SNX8: variants seen among roughly 807,000 people sequenced by gnomAD.
SNX8 encodes sorting nexin 8, also known as sorting nexin-8.
Under a neutral mutation model 51.6 loss-of-function variants are expected in SNX8, and 25 were observed. The observed-to-expected ratio is 0.48, with a 90% CI of 0.35 to 0.68. SNX8 has a LOEUF of 0.68. Ranked by LOEUF, SNX8 falls within the 30% of genes least tolerant of loss-of-function variation. The pLI is 0.00. For missense variants in SNX8, 695 were observed against 624.0 expected (o/e 1.11, Z -1.21); for synonymous variants, 324 against 277.0 (o/e 1.17, Z -1.68).
intron 1 of SNX8, 103 bp downstream of exon 1, chr7:2,314,225 G>A: frequency 8.6e-7 from 1 of 1,168,262 alleles, no homozygotes. Flanking sequence ...GCGGGGGCAG[G>A]AAACGAGTCG....
chr7:2,314,406 T>A lies in SNX8; in HGVS notation c.16A>T (p.Met6Leu). 8.2e-7 allele frequency: 1 copy of A among 1,218,312 alleles called. No individual in the cohort carries two copies. The highest frequency in any genetic ancestry group is 1.0e-6 in the Non-Finnish European group (1 of 979,026). The allele number at this position is 1,218,312 out of a possible 1,614,324, so 75.5% of individuals were successfully genotyped here. MTGRAMDPLPAAAVGA... is the reference protein window; with the variant it reads MTGRALDPLPAAAVGA... ...ACTGCAGCCGCGGGCAGCGGGTCCA[T>A]CGCGCGGCCAGTCATGTGAGCCCGC... Residue 6 changes from methionine to leucine, a missense_variant, in exon 1 of 11, where the codon ATG (methionine) becomes TTG (leucine). Coordinates refer to ENST00000222990, the MANE Select transcript of SNX8 (RefSeq NM_013321.4).
At chr7:2,258,699 C>T (rs1263022943) in intron 7 of SNX8, among the ~76,000 whole-genome samples, 1 of 152,042 alleles carries the variant, frequency 6.6e-6, no homozygotes, top group African/African-American at 2.4e-5. Flanking sequence ...TGCTGCTGAT[C>T]CAGGAAGAGA....
chr7:2,302,180 C>T (rs1001058547), intron 1 of SNX8, among the ~76,000 whole-genome samples: 1 of 152,260 alleles, frequency 6.6e-6, no homozygotes, highest in Admixed American at 6.5e-5. Context: ...CTGCTGCCAT[C>T]TCGGCTCACT....
chr7:2,308,387 G>A (rs1269433468), intron 1 of SNX8, among the ~76,000 whole-genome samples: 1 of 151,994 alleles, frequency 6.6e-6, no homozygotes, highest in Non-Finnish European at 1.5e-5. Context: ...ATGTGTCATG[G>A]CCAGTCACGG....
chr7:2,305,048 G>A (rs57019360), intron 1 of SNX8, among the ~76,000 whole-genome samples: 5,847 of 152,258 alleles, frequency 0.038, 268 homozygotes, highest in African/African-American at 0.11. Context: ...TGCAGACGCC[G>A]GAGGGTCTGG....
chr7:2,310,820 A>G (rs917539331), intron 1 of SNX8, among the ~76,000 whole-genome samples: 8 of 152,176 alleles, frequency 5.3e-5, no homozygotes, highest in Non-Finnish European at 1.0e-4. Flanking sequence ...GCTAGAGAAT[A>G]TACTACGCTA....
chr7:2,336,420 T>A (rs1778830867), intron 1 of SNX8, among the ~76,000 whole-genome samples: 1 of 143,550 alleles, frequency 7.0e-6, no homozygotes, highest in African/African-American at 2.6e-5. Context: ...AACAAATTTT[T>A]AAAAAATGCT....
intron 7 of SNX8, among the ~76,000 whole-genome samples, chr7:2,260,028 G>A (rs1022541904): frequency 2.6e-5 from 4 of 151,840 alleles, no homozygotes; most frequent in Admixed American, 6.6e-5. Context: ...GAAAGAAAGA[G>A]AGAGAGAGGA....
intron 1 of SNX8, among the ~76,000 whole-genome samples, chr7:2,299,634 C>T (rs149611129): frequency 6.6e-6 from 1 of 152,238 alleles, no homozygotes; most frequent in Admixed American, 6.5e-5. Flanking sequence ...AAAGAGTCCT[C>T]GTCTCTGTTT....
upstream of SNX8, chr7:2,314,529 C>A: frequency 9.4e-7 from 1 of 1,061,940 alleles, no homozygotes; most frequent in Admixed American, 5.0e-5. Context: ...CCCCCTCCCC[C>A]GCGCGCCACG....
Position 2,254,808 on chromosome 7 carries a change from A to G in SNX8, c.*248T>C, listed in dbSNP as rs982460221. 9 of 563,106 alleles carry G rather than the reference A, an allele frequency of 1.6e-5. No homozygotes were observed. The highest frequency in any genetic ancestry group is 1.5e-4 in the African/African-American group (8 of 52,584). The allele number at this position is 563,106 out of a possible 1,614,324, so 34.9% of individuals were successfully genotyped here. On this transcript the variant is annotated 3_prime_UTR_variant, in exon 11 of 11. Transcript: ENST00000222990. ...CAGCTCTGGGTGTCAGGAGGAAACC[A>G]TTCCAGAGAACCCCACCACCTCTCT...
intron 1 of SNX8, chr7:2,299,546 G>C (rs999598400): frequency 2.0e-5 from 3 of 152,062 alleles, no homozygotes; most frequent in Non-Finnish European, 2.9e-5. Flanking sequence ...GATTTGTTCC[G>C]GAGTTAAAAA....
At chr7:2,332,579 C>G (rs1053567866) in intron 1 of SNX8, among the ~76,000 whole-genome samples, 5 of 151,920 alleles carry the variant, frequency 3.3e-5, no homozygotes, top group African/African-American at 1.2e-4. Context: ...CATACTGAGA[C>G]CCCATCTCTA....
chr7:2,313,505 G>A (rs1163717216), intron 1 of SNX8, among the ~76,000 whole-genome samples: 5 of 145,700 alleles, frequency 3.4e-5, no homozygotes, highest in Admixed American at 1.4e-4. Context: ...CAGCCTGAGT[G>A]ACAGTGAGAA....
intron 1 of SNX8, among the ~76,000 whole-genome samples, chr7:2,304,199 T>C (rs1584723689): frequency 7.1e-6 from 1 of 141,548 alleles, no homozygotes; most frequent in South Asian, 2.2e-4. Context: ...TGGGGATCAG[T>C]GGGACTCATT....
chr7:2,288,717 T>C (rs1796086949), intron 1 of SNX8, among the ~76,000 whole-genome samples: 1 of 152,122 alleles, frequency 6.6e-6, no homozygotes, highest in Non-Finnish European at 1.5e-5. Flanking sequence ...TCAGGGGTTT[T>C]TTGGGGGTTT....
rs1225861122 is a variant in SNX8, at chr7:2,323,342, A to C, written c.-66+30880T>G. Among the ~76,000 whole-genome samples the C allele has an allele frequency of 3.3e-5, 5 of 151,654 alleles. No individual in the cohort carries two copies. In the South Asian group the frequency reaches 6.3e-4, roughly 19 times the overall value. The stretch of plus-strand genomic sequence containing the variant: ...GAGAGTCTGTCTCAAAAAAAAAAAA[A>C]AAAAAAACAACCAAACAAACAAAAA... On this transcript the variant is annotated intron_variant, in intron 1 of 5. Coordinates refer to the SNX8 transcript ENST00000435336.
intron 6 of SNX8, among the ~76,000 whole-genome samples, chr7:2,263,944 G>C (rs1406828833): frequency 6.6e-6 from 1 of 151,972 alleles, no homozygotes; most frequent in African/African-American, 2.4e-5. Context: ...TTGAACTCCT[G>C]ACCTCGTGAT....
intron 1 of SNX8, among the ~76,000 whole-genome samples, chr7:2,351,607 C>T (rs555735982): frequency 2.7e-4 from 41 of 151,594 alleles, no homozygotes; most frequent in African/African-American, 3.4e-4. Flanking sequence ...CCAAGGCGGG[C>T]GGATCACGAG....
Sources: allele counts gnomAD v4.1 joint callset (sites outside exome capture counted in the v4.1 genomes callset), GRCh38; gene constraint gnomAD v4.1.1; transcripts MANE v1.5; gene names NCBI Gene and HGNC (gene_info 2026-07-23, HGNC 2026-07-21).